The following APBA1 variants were observed in gnomAD, a reference collection of about 807,000 sequenced individuals.
APBA1 encodes amyloid-beta A4 precursor protein-binding family A member 1.
Under a neutral mutation model 86.6 loss-of-function variants are expected in APBA1, and 55 were observed. The ratio of observed to expected loss-of-function variants is 0.64; its 90% CI spans 0.51 to 0.80. The LOEUF (loss-of-function observed/expected upper bound fraction) is 0.80. Among genes scored for constraint, APBA1 ranks in the 30% least tolerant of loss-of-function variants. APBA1 has a pLI of 0.00. For synonymous variants in APBA1, 511 were observed against 493.9 expected, an observed-to-expected ratio of 1.03 and a Z score of -0.46; for missense variants, 1,090 against 1,183.0, an observed-to-expected ratio of 0.92 and a Z score of 1.15.
At chr9:69,663,790 C>T (rs1019289233) in intron 1 of APBA1, among the ~76,000 whole-genome samples, 10 of 152,072 alleles carry the variant, frequency 6.6e-5, no homozygotes, top group African/African-American at 2.2e-4. Flanking sequence ...GCCACCATAC[C>T]TTGACAACCT....
intron 2 of APBA1, among the ~76,000 whole-genome samples, chr9:69,484,804 T>A (rs1835579998): frequency 6.6e-6 from 1 of 152,100 alleles, no homozygotes; most frequent in Non-Finnish European, 1.5e-5. Context: ...ACTGAATAAA[T>A]GGCTTCAGTT....
chr9:69,559,024 A>G (rs1836908235), intron 1 of APBA1, among the ~76,000 whole-genome samples: 1 of 152,136 alleles, frequency 6.6e-6, no homozygotes, highest in African/African-American at 2.4e-5. Context: ...CCCACTCCTC[A>G]AAGTCATTAT....
At chr9:69,496,934 T>C (rs991787816) in intron 2 of APBA1, among the ~76,000 whole-genome samples, 2 of 150,778 alleles carry the variant, frequency 1.3e-5, no homozygotes, top group Admixed American at 6.6e-5. Flanking sequence ...TCACTGCTGC[T>C]GTGAAAAGCT....
chr9:69,669,723 A>C (rs1054905397), intron 1 of APBA1, among the ~76,000 whole-genome samples: 2 of 152,192 alleles, frequency 1.3e-5, no homozygotes, highest in Non-Finnish European at 2.9e-5. Flanking sequence ...GCAGTGAGCT[A>C]TGATCACACT....
In APBA1 at chr9:69,591,448, T is replaced by C. The variant is rs79152119; in HGVS notation, c.-69-74169A>G. Among the ~76,000 whole-genome samples the C allele has an allele frequency of 7.0e-3, 1,072 of 152,364 alleles. 9 individuals are homozygous for C. Among genetic ancestry groups the C allele is most frequent in the African/African-American group, 0.024 (1,006 of 41,578 alleles). On this transcript the variant is annotated intron_variant, in intron 1 of 12. Transcript: ENST00000265381. ...CAAGAACCATGTCTGCCACTTCTTC[T>C]GAATGCTCAACATAGAAGCTTGTCA... is the stretch of plus-strand genomic sequence containing the variant.
intron 2 of APBA1, among the ~76,000 whole-genome samples, chr9:69,513,832 A>G (rs1836091221): frequency 6.6e-6 from 1 of 152,246 alleles, no homozygotes; most frequent in Non-Finnish European, 1.5e-5. Context: ...AAAATGAACA[A>G]ATACCTTACA....
chr9:69,520,390 C>A (rs1399059313), intron 1 of APBA1, among the ~76,000 whole-genome samples: 1 of 152,074 alleles, frequency 6.6e-6, no homozygotes, highest in African/African-American at 2.4e-5. Context: ...AGGTAACATA[C>A]CTTTTGCCCC....
intron 1 of APBA1, among the ~76,000 whole-genome samples, chr9:69,667,927 C>T (rs1051848049): frequency 1.3e-5 from 2 of 152,108 alleles, no homozygotes; most frequent in African/African-American, 4.8e-5. Flanking sequence ...TTGGTTGCAC[C>T]GTCACCCATG....
chr9:69,459,084 G>A (rs970715962), intron 5 of APBA1, among the ~76,000 whole-genome samples: 10 of 152,256 alleles, frequency 6.6e-5, no homozygotes, highest in African/African-American at 1.7e-4. Flanking sequence ...GATTACAGGC[G>A]CGAGCCACCG....
At position 69,602,537 on chromosome 9, in the gene APBA1, T is replaced by C. The variant is rs547846168; in HGVS notation, c.-70+69616A>G. ...AGTTTGCCAAGATCGCGCCACTGCA[T>C]TCCAGCCTGGGTGACGGAGAGAGAC... On this transcript the variant is annotated intron_variant, in intron 1 of 12. Transcript: ENST00000265381. 1.3e-3 allele frequency among the ~76,000 whole-genome samples: 198 copies of C among 151,848 alleles called. 2 individuals carry two copies. Among genetic ancestry groups the C allele is most frequent in the Non-Finnish European group, 5.4e-4 (37 of 67,944 alleles).
At chr9:69,435,154 A>G (rs1588280390) in intron 11 of APBA1, among the ~76,000 whole-genome samples, 6 of 152,020 alleles carry the variant, frequency 3.9e-5, no homozygotes, top group African/African-American at 9.6e-5. Flanking sequence ...ATAGTATTCC[A>G]TGGTGTATAT....
intron 1 of APBA1, among the ~76,000 whole-genome samples, chr9:69,615,232 A>G (rs1193700651): frequency 6.6e-6 from 1 of 152,246 alleles, no homozygotes; most frequent in African/African-American, 2.4e-5. Flanking sequence ...TTTTCTCTTA[A>G]GCCTTCTATA....
At position 69,628,633 on chromosome 9, in the gene APBA1, C is replaced by T. The variant is rs145899442; in HGVS notation, c.-70+43520G>A. Reference sequence around the variant, plus strand: ...AGCTTTCTAGAGGATCTAGGTTCTGCGATGAAAAGCTTATTAACCAGAAGA... The same window carrying T: ...AGCTTTCTAGAGGATCTAGGTTCTGTGATGAAAAGCTTATTAACCAGAAGA... On this transcript the variant is annotated intron_variant, in intron 1 of 12. Transcript: ENST00000265381. Among the ~76,000 whole-genome samples the T allele has an allele frequency of 1.1e-3, 168 of 152,084 alleles. 1 individual carries two copies. The highest frequency in any genetic ancestry group is 3.2e-3 in the African/African-American group (131 of 41,458).
At chr9:69,625,108 G>C (rs969638597) in intron 1 of APBA1, among the ~76,000 whole-genome samples, 1 of 152,094 alleles carries the variant, frequency 6.6e-6, no homozygotes, top group Non-Finnish European at 1.5e-5. Flanking sequence ...GCACAACATG[G>C]TCTTTATTTG....
chr9:69,558,086 G>T (rs1032970734), intron 1 of APBA1, among the ~76,000 whole-genome samples: 1 of 152,140 alleles, frequency 6.6e-6, no homozygotes, highest in Non-Finnish European at 1.5e-5. Flanking sequence ...GAGAGTTCAA[G>T]CTCAAGACTT....
At chr9:69,539,739 A>T (rs1034705445) in intron 1 of APBA1, among the ~76,000 whole-genome samples, 2 of 151,870 alleles carry the variant, frequency 1.3e-5, no homozygotes, top group African/African-American at 4.8e-5. Flanking sequence ...CCTGCTTTGC[A>T]CTCTCCTTTC....
intron 1 of APBA1, among the ~76,000 whole-genome samples, chr9:69,611,778 T>C (rs1194321175): frequency 6.6e-6 from 1 of 152,202 alleles, no homozygotes; most frequent in East Asian, 1.9e-4. Context: ...TGTTCACACA[T>C]GTTGTGTCTA....
At chr9:69,573,786 C>T (rs999864914) in intron 1 of APBA1, among the ~76,000 whole-genome samples, 1 of 152,176 alleles carries the variant, frequency 6.6e-6, no homozygotes, top group African/African-American at 2.4e-5. Flanking sequence ...CTGCTGGGGT[C>T]CTGTGGAAAA....
chr9:69,523,408 A>G (rs939950157), intron 1 of APBA1, among the ~76,000 whole-genome samples: 3 of 148,904 alleles, frequency 2.0e-5, no homozygotes, highest in African/African-American at 7.4e-5. Context: ...AAAGAAGAGC[A>G]TTACATAATG....
Sources: gnomAD v4.1 joint callset for allele counts (sites outside exome capture counted in the v4.1 genomes callset) on GRCh38, gnomAD v4.1.1 for gene constraint, MANE v1.5 for transcripts, NCBI Gene and HGNC (gene_info 2026-07-23, HGNC 2026-07-21) for gene names.